IL10RB: variants seen among roughly 807,000 people sequenced by gnomAD.
IL10RB encodes the protein interleukin 10 receptor subunit beta, also known as interleukin-10 receptor subunit beta.
IL10RB carries 30 observed loss-of-function variants against 38.7 expected under a neutral mutation model. The observed-to-expected ratio is 0.78, with a 90% CI of 0.58 to 1.05. The LOEUF is 1.05. Among genes scored for constraint, IL10RB ranks in the 50% least tolerant of loss-of-function variants. The pLI is 0.00. For missense variants in IL10RB, 328 were observed against 397.1 expected (o/e 0.83, Z 1.48); for synonymous variants, 142 against 145.9 (o/e 0.97, Z 0.19).
intron 5 of IL10RB, among the ~76,000 whole-genome samples, chr21:33,287,767 G>T (rs1354674262): frequency 1.3e-5 from 2 of 152,152 alleles, no homozygotes; most frequent in Non-Finnish European, 2.9e-5. Context: ...GGTGTCCAGG[G>T]GAGTATCACT....
chr21:33,276,145 A>G (rs890794513), intron 2 of IL10RB, among the ~76,000 whole-genome samples: 1 of 152,216 alleles, frequency 6.6e-6, no homozygotes, highest in Non-Finnish European at 1.5e-5. Context: ...AAAATGAGGT[A>G]TGTCTACATC....
At chr21:33,290,186 G>T (rs552520384) in intron 6 of IL10RB, among the ~76,000 whole-genome samples, 18 of 151,854 alleles carry the variant, frequency 1.2e-4, no homozygotes, top group African/African-American at 3.9e-4. Flanking sequence ...AGCTACTCGG[G>T]AGACTGAGGC....
chr21:33,280,681 T>C (rs1444108852), intron 4 of IL10RB, among the ~76,000 whole-genome samples: 1 of 152,174 alleles, frequency 6.6e-6, no homozygotes. Flanking sequence ...TGAATGCCAT[T>C]CATGGTCCTA....
downstream of IL10RB, among the ~76,000 whole-genome samples, chr21:33,299,503 CT>C (rs1379742148): frequency 1.3e-4 from 20 of 152,348 alleles, no homozygotes; most frequent in African/African-American, 3.4e-4. Context: ...CTCTTTCTGG[CT>C]GCCTCGCCTT....
intron 2 of IL10RB, among the ~76,000 whole-genome samples, chr21:33,272,829 T>A (rs1989105491): frequency 6.6e-6 from 1 of 152,208 alleles, no homozygotes; most frequent in Non-Finnish European, 1.5e-5. Context: ...GTTGCGAGCT[T>A]AGATTCAGGA....
At chr21:33,279,059 A>T (rs1047279757) in intron 3 of IL10RB, among the ~76,000 whole-genome samples, 1 of 152,240 alleles carries the variant, frequency 6.6e-6, no homozygotes, top group Non-Finnish European at 1.5e-5. Flanking sequence ...AATACAGATA[A>T]TAAATAAATA....
downstream of IL10RB, among the ~76,000 whole-genome samples, chr21:33,300,211 G>T (rs1387885018): frequency 1.3e-5 from 2 of 152,144 alleles, no homozygotes; most frequent in African/African-American, 4.8e-5. Context: ...AGGCCGAGGT[G>T]GGTGGATCAC....
At chr21:33,278,822 G>A (rs1042582090) in intron 3 of IL10RB, among the ~76,000 whole-genome samples, 6 of 152,170 alleles carry the variant, frequency 3.9e-5, no homozygotes, top group South Asian at 2.1e-4. Context: ...GTTTTCAGAC[G>A]AGCACTTTAG....
intron 4 of IL10RB, among the ~76,000 whole-genome samples, 191 bp from the exon 5 acceptor site, chr21:33,282,903 G>T (rs1989305096): frequency 6.6e-6 from 1 of 152,116 alleles, no homozygotes; most frequent in African/African-American, 2.4e-5. Flanking sequence ...AAAATGGTTT[G>T]TGGGCACCAC....
intron 2 of IL10RB, among the ~76,000 whole-genome samples, chr21:33,270,661 A>G (rs1015837913): frequency 6.9e-6 from 1 of 144,778 alleles, no homozygotes; most frequent in African/African-American, 2.6e-5. Flanking sequence ...GGCGTGAGCC[A>G]CCGCGCCCAG....
downstream of IL10RB, among the ~76,000 whole-genome samples, chr21:33,299,124 A>G (rs1342496010): frequency 1.3e-5 from 2 of 151,798 alleles, no homozygotes; most frequent in African/African-American, 2.4e-5. Flanking sequence ...ACCCACTCGC[A>G]CCCCCTCCCT....
chr21:33,304,022 G>A (rs762781208), intron 1 of IL10RB, among the ~76,000 whole-genome samples: 6 of 152,216 alleles, frequency 3.9e-5, no homozygotes, highest in Non-Finnish European at 8.8e-5. Context: ...CACCTGACCA[G>A]GCAGAGGGCT....
chr21:33,307,671 G>C (rs2083002110), intron 1 of IL10RB, among the ~76,000 whole-genome samples: 3 of 152,140 alleles, frequency 2.0e-5, no homozygotes, highest in African/African-American at 7.2e-5. Flanking sequence ...CCTAAGCATG[G>C]AACACTTTCT....
At chr21:33,269,754 G>C (rs28385656) in intron 2 of IL10RB, among the ~76,000 whole-genome samples, 1 of 151,456 alleles carries the variant, frequency 6.6e-6, no homozygotes, top group Non-Finnish European at 1.5e-5. Context: ...TGCCTCTCGG[G>C]TTCACGCCAT....
chr21:33,272,893 C>G (rs922665142), intron 2 of IL10RB, among the ~76,000 whole-genome samples: 2 of 152,222 alleles, frequency 1.3e-5, no homozygotes, highest in African/African-American at 4.8e-5. Flanking sequence ...CTCTTTTCTT[C>G]CACTTCACTT....
chr21:33,301,517 A>G (rs2082985936), downstream of IL10RB, among the ~76,000 whole-genome samples: 1 of 152,236 alleles, frequency 6.6e-6, no homozygotes, highest in Non-Finnish European at 1.5e-5. Flanking sequence ...AAATTGGGTT[A>G]AACAATTCAA....
intron 5 of IL10RB, among the ~76,000 whole-genome samples, chr21:33,283,943 A>G (rs1385996401): frequency 6.6e-6 from 1 of 152,208 alleles, no homozygotes; most frequent in Non-Finnish European, 1.5e-5. Context: ...TGAAGGGTTC[A>G]GCAAGCTCAG....
Position 33,303,945 on chromosome 21 carries a change from G to A in IL10RB, c.130-5031G>A, listed in dbSNP as rs560164596. 2.6e-5 allele frequency among the ~76,000 whole-genome samples: 4 copies of A among 152,334 alleles called. No individual in the cohort carries two copies. In the South Asian group the frequency reaches 6.2e-4, roughly 24 times the overall value. The stretch of plus-strand genomic sequence containing the variant: ...AGTATAGGTCATCAACAAAGGGAGG[G>A]AAGAGAGGGGCTTGGGAGGAAATGA... On this transcript the variant is annotated intron_variant, in intron 1 of 1. Coordinates refer to the IL10RB transcript ENST00000609556.
intron 6 of IL10RB, among the ~76,000 whole-genome samples, chr21:33,292,850 C>T (rs541514343): frequency 3.9e-5 from 6 of 152,308 alleles, no homozygotes; most frequent in Middle Eastern, 3.4e-3. Flanking sequence ...ATGTACCAGT[C>T]CTGAGGTGTG....
Sources: allele counts gnomAD v4.1 joint callset (sites outside exome capture counted in the v4.1 genomes callset), GRCh38; gene constraint gnomAD v4.1.1; transcripts MANE v1.5; gene names NCBI Gene and HGNC (gene_info 2026-07-23, HGNC 2026-07-21).